B3GALT1: variants seen among roughly 807,000 people sequenced by gnomAD.
B3GALT1 encodes beta-1,3-galactosyltransferase 1.
B3GALT1 carries 10 observed loss-of-function variants against 23.2 expected under a neutral mutation model. That is an observed-to-expected ratio of 0.43 (90% CI 0.27 to 0.73). B3GALT1 has a LOEUF of 0.73. Among genes scored for constraint, B3GALT1 ranks in the 30% least tolerant of loss-of-function variants. B3GALT1 has a pLI of 0.21. For synonymous variants in B3GALT1, 156 were observed against 141.5 expected (o/e 1.10, Z -0.73); for missense variants, 299 against 405.4 (o/e 0.74, Z 2.25).
At chr2:167,553,880 AAAG>A (rs1192855677) in intron 2 of B3GALT1, among the ~76,000 whole-genome samples, 34 of 152,216 alleles carry the variant, frequency 2.2e-4, no homozygotes, top group African/African-American at 8.2e-4. Context: ...CAGTGATTAA[AAAG>A]AAGGTAAAAG....
intron 4 of B3GALT1, among the ~76,000 whole-genome samples, chr2:167,866,881 A>T (rs1690229468): frequency 6.6e-6 from 1 of 152,194 alleles, no homozygotes; most frequent in Non-Finnish European, 1.5e-5. Flanking sequence ...ACTCACTTAC[A>T]ACCTTTTGTA....
intron 2 of B3GALT1, among the ~76,000 whole-genome samples, chr2:167,584,583 AGTCCCCAAGACT>A: frequency 6.6e-6 from 1 of 152,182 alleles, no homozygotes; most frequent in Admixed American, 6.5e-5. Flanking sequence ...TTGGGAGCTC[AGTCCCCAAGACT>A]GCCCACCACT....
intron 2 of B3GALT1, among the ~76,000 whole-genome samples, chr2:167,630,691 A>G (rs974467932): frequency 1.3e-5 from 2 of 151,760 alleles, no homozygotes; most frequent in Non-Finnish European, 2.9e-5. Flanking sequence ...CAAAATGTTG[A>G]TAATTTTAAT....
rs74357568 is a variant in B3GALT1, at chr2:167,686,470, A to G, written c.-352+39504A>G. Among the ~76,000 whole-genome samples, 860 of 152,342 alleles carry G rather than the reference A, an allele frequency of 5.6e-3. 9 individuals carry two copies. The highest frequency in any genetic ancestry group is 0.02 in the African/African-American group (821 of 41,576). ...TAGATTGTTTTTTGTGCTTCCAAAT[A>G]TCATAAAATTTAAAGGAAGTGCCAT... On this transcript the variant is annotated intron_variant, in intron 3 of 4. Transcript: ENST00000392690.
At chr2:167,838,036 G>T (rs10189653) in intron 4 of B3GALT1, among the ~76,000 whole-genome samples, 53,142 of 139,070 alleles carry the variant, frequency 0.38, 8,328 homozygotes, top group African/African-American at 0.59. Flanking sequence ...AGTGTGTAGA[G>T]GGAAATTTAT....
At chr2:167,679,013 C>G (rs1332156238) in intron 3 of B3GALT1, among the ~76,000 whole-genome samples, 1 of 152,026 alleles carries the variant, frequency 6.6e-6, no homozygotes, top group Admixed American at 6.6e-5. Flanking sequence ...GTAATTTGAA[C>G]CTTTCCAATC....
chr2:167,452,344 G>T (rs1432676997), intron 1 of B3GALT1, among the ~76,000 whole-genome samples: 1 of 152,092 alleles, frequency 6.6e-6, no homozygotes, highest in Non-Finnish European at 1.5e-5. Context: ...TGGCTTCCTT[G>T]GGGACCAAGA....
chr2:167,538,112 C>T (rs142417399), intron 2 of B3GALT1, among the ~76,000 whole-genome samples: 6 of 152,218 alleles, frequency 3.9e-5, no homozygotes, highest in Non-Finnish European at 5.9e-5. Context: ...CATGAGCCAC[C>T]GTGCTTGGCC....
In B3GALT1 at chr2:167,377,643, C is replaced by A. The variant is rs531089748; in HGVS notation, c.-511+84309C>A. ...TTTTATCTGACATAAAAACAGTGAC[C>A]CCTGCCTTTTTTTGTTTTCTGTTTG... On this transcript the variant is annotated intron_variant, in intron 1 of 4. Coordinates refer to ENST00000392690, the MANE Select transcript of B3GALT1 (RefSeq NM_020981.4). Among the ~76,000 whole-genome samples the A allele has an allele frequency of 2.0e-5, 3 of 151,988 alleles. No individual in the cohort carries two copies. In the South Asian group the frequency reaches 6.2e-4, roughly 32 times the overall value.
intron 1 of B3GALT1, among the ~76,000 whole-genome samples, chr2:167,478,308 T>C (rs893259608): frequency 2.0e-5 from 3 of 152,158 alleles, no homozygotes; most frequent in Non-Finnish European, 4.4e-5. Flanking sequence ...TAACAATTAT[T>C]AAATGGGTGA....
chr2:167,704,261 C>A (rs2105512641), intron 3 of B3GALT1, among the ~76,000 whole-genome samples: 1 of 149,852 alleles, frequency 6.7e-6, no homozygotes, highest in South Asian at 2.1e-4. Context: ...ATCCTGCCAA[C>A]TGTGACAGGC....
At chr2:167,564,548 G>T (rs1179092680) in intron 2 of B3GALT1, among the ~76,000 whole-genome samples, 4 of 152,166 alleles carry the variant, frequency 2.6e-5, no homozygotes, top group African/African-American at 9.7e-5. Context: ...CCGAGACCAC[G>T]CCACTGCACT....
chr2:167,396,204 T>G (rs1389294334), intron 1 of B3GALT1, among the ~76,000 whole-genome samples: 2 of 152,194 alleles, frequency 1.3e-5, no homozygotes, highest in Admixed American at 6.5e-5. Context: ...TTGCATAATT[T>G]GATTTGAATT....
At chr2:167,418,940 T>G (rs924395944) in intron 1 of B3GALT1, among the ~76,000 whole-genome samples, 4 of 152,178 alleles carry the variant, frequency 2.6e-5, no homozygotes, top group African/African-American at 9.7e-5. Context: ...TTGCCTTTGA[T>G]AAATGCATGC....
At chr2:167,695,218 G>A (rs182820066) in intron 3 of B3GALT1, among the ~76,000 whole-genome samples, 1 of 152,242 alleles carries the variant, frequency 6.6e-6, no homozygotes, top group African/African-American at 2.4e-5. Context: ...ACTCTGGGAT[G>A]ACAGGTTCTA....
intron 3 of B3GALT1, among the ~76,000 whole-genome samples, chr2:167,803,426 G>A (rs1477685309): frequency 6.6e-6 from 1 of 152,140 alleles, no homozygotes; most frequent in African/African-American, 2.4e-5. Flanking sequence ...AAAACTTGCT[G>A]TGGCAGTGGT....
intron 1 of B3GALT1, among the ~76,000 whole-genome samples, chr2:167,468,019 A>C (rs1328917337): frequency 6.6e-6 from 1 of 152,130 alleles, no homozygotes; most frequent in Non-Finnish European, 1.5e-5. Context: ...AAAGTTTAGT[A>C]AGGGGGTGGA....
At chr2:167,831,949 A>G (rs1689363329) in intron 4 of B3GALT1, among the ~76,000 whole-genome samples, 1 of 152,250 alleles carries the variant, frequency 6.6e-6, no homozygotes, top group African/African-American at 2.4e-5. Context: ...GTTACAAAAC[A>G]TGAATCTGTG....
At chr2:167,584,360 A>T (rs1684548434) in intron 2 of B3GALT1, among the ~76,000 whole-genome samples, 1 of 151,956 alleles carries the variant, frequency 6.6e-6, no homozygotes, top group Non-Finnish European at 1.5e-5. Flanking sequence ...TGGGGAAAAA[A>T]CTCAGTTTTT....
Sources: allele counts gnomAD v4.1 joint callset (sites outside exome capture counted in the v4.1 genomes callset), GRCh38; gene constraint gnomAD v4.1.1; transcripts MANE v1.5; gene names NCBI Gene and HGNC (gene_info 2026-07-23, HGNC 2026-07-21).